Variants in RBFOX1 observed in about 807,000 individuals in gnomAD.
RBFOX1 encodes RNA binding fox-1 homolog 1.
In RBFOX1, 8 loss-of-function variants were observed where a neutral mutation model predicts 57.7. The observed-to-expected ratio is 0.14, with a 90% CI of 0.08 to 0.25. RBFOX1 has a LOEUF of 0.25. Among genes scored for constraint, RBFOX1 ranks in the 10% least tolerant of loss-of-function variants. RBFOX1 has a pLI of 1.00. For missense variants in RBFOX1, 611 were observed against 548.5 expected (o/e 1.11, Z -1.14); for synonymous variants, 326 against 222.4 (o/e 1.47, Z -4.15).
At chr16:5,722,553 A>G (rs890947310) in intron 3 of RBFOX1, among the ~76,000 whole-genome samples, 1 of 152,092 alleles carries the variant, frequency 6.6e-6, no homozygotes, top group Non-Finnish European at 1.5e-5. Context: ...TGAGACCTGT[A>G]TTGACCCTCA....
chr16:7,211,049 C>G (rs530396982), intron 4 of RBFOX1, among the ~76,000 whole-genome samples: 4 of 146,198 alleles, frequency 2.7e-5, no homozygotes, highest in Non-Finnish European at 6.0e-5. Context: ...ATAAGTATGT[C>G]AAAGTATTAT....
intron 3 of RBFOX1, among the ~76,000 whole-genome samples, chr16:5,697,514 GCTTTT>G (rs1330051175): frequency 6.8e-6 from 1 of 146,110 alleles, no homozygotes; most frequent in Non-Finnish European, 1.5e-5. Context: ...GTAGTTGTGG[GCTTTT>G]CTTTTCTTTT....
intron 2 of RBFOX1, among the ~76,000 whole-genome samples, chr16:5,532,595 T>C (rs1216944312): frequency 6.6e-6 from 1 of 152,182 alleles, no homozygotes; most frequent in Non-Finnish European, 1.5e-5. Context: ...GGGTTATTAG[T>C]TGAATGGATG....
At chr16:6,848,382 A>G (rs6500854) in intron 3 of RBFOX1, among the ~76,000 whole-genome samples, 73,790 of 151,998 alleles carry the variant, frequency 0.49, 18,925 homozygotes, top group African/African-American at 0.65. Context: ...AATGTTAGTC[A>G]CTAATACAAA....
chr16:7,683,062 G>T (rs1448084135), intron 14 of RBFOX1, among the ~76,000 whole-genome samples: 1 of 8,566 alleles, frequency 1.2e-4, no homozygotes. Context: ...AAGTGATGTT[G>T]ATTGTATATT....
rs147673679 is a variant in RBFOX1 at position 6,568,058 on chromosome 16, G to C, written c.-63-86545G>C. Among the ~76,000 whole-genome samples, 271 of 152,306 alleles carry C rather than the reference G, an allele frequency of 1.8e-3. 4 individuals are homozygous for C. In the Middle Eastern group the frequency reaches 0.02, roughly 11 times the overall value. ...GCTGGCCTTGAACTTCTGGCCTGAA[G>C]TGGTCCACTATTTAAGGTCTTTGAC... On this transcript the variant is annotated intron_variant, in intron 2 of 15. Transcript: ENST00000550418.
chr16:6,701,400 C>G (rs915806662), intron 3 of RBFOX1, among the ~76,000 whole-genome samples: 1 of 152,212 alleles, frequency 6.6e-6, no homozygotes, highest in Non-Finnish European at 1.5e-5. Context: ...GGGAAGACAT[C>G]TGCATTAGTC....
chr16:6,202,725 TC>T (rs1248882329), intron 1 of RBFOX1, among the ~76,000 whole-genome samples: 1 of 152,200 alleles, frequency 6.6e-6, no homozygotes, highest in Non-Finnish European at 1.5e-5. Context: ...TTTGTATTTA[TC>T]CATCACCTCC....
At chr16:6,750,784 G>A (rs72766706) in intron 3 of RBFOX1, among the ~76,000 whole-genome samples, 35,922 of 152,162 alleles carry the variant, frequency 0.24, 4,466 homozygotes, top group Middle Eastern at 0.28. Context: ...TTATTCAGTG[G>A]TGGAAGTGAG....
chr16:6,987,057 C>A (rs988368836), intron 3 of RBFOX1, among the ~76,000 whole-genome samples: 44 of 152,050 alleles, frequency 2.9e-4, no homozygotes, highest in Non-Finnish European at 5.1e-4. Flanking sequence ...GAGAGCCTGC[C>A]CTCTTCCTGG....
At chr16:5,982,614 G>A (rs2060196778) in intron 4 of RBFOX1, among the ~76,000 whole-genome samples, 1 of 152,170 alleles carries the variant, frequency 6.6e-6, no homozygotes, top group South Asian at 2.1e-4. Context: ...TACCTAGAAT[G>A]CTCATCCATA....
intron 4 of RBFOX1, among the ~76,000 whole-genome samples, chr16:7,260,602 A>T (rs2094880498): frequency 6.6e-6 from 1 of 152,186 alleles, no homozygotes; most frequent in Non-Finnish European, 1.5e-5. Context: ...GACGCTATGT[A>T]GGTAAGATAA....
chr16:7,049,779 G>T, intron 3 of RBFOX1, among the ~76,000 whole-genome samples: 1 of 152,204 alleles, frequency 6.6e-6, no homozygotes. Context: ...TTCAGTGGGG[G>T]AAACAGGATG....
chr16:5,840,191 C>A (rs1377841985), intron 3 of RBFOX1, among the ~76,000 whole-genome samples: 4 of 152,178 alleles, frequency 2.6e-5, no homozygotes, highest in African/African-American at 9.7e-5. Flanking sequence ...AGTCACAAAC[C>A]CAGTGACAAA....
At chr16:6,076,332 GCGCACACACACACATA>G (rs987363756) in intron 1 of RBFOX1, among the ~76,000 whole-genome samples, 2 of 148,304 alleles carry the variant, frequency 1.3e-5, no homozygotes, top group African/African-American at 2.5e-5. Flanking sequence ...ACAAACACAC[GCGCACACACACACATA>G]CACACACACA....
chr16:6,843,314 G>C (rs1401189488), intron 3 of RBFOX1, among the ~76,000 whole-genome samples: 1 of 151,672 alleles, frequency 6.6e-6, no homozygotes, highest in Non-Finnish European at 1.5e-5. Flanking sequence ...TGGTCTTCTG[G>C]AGCAAATAGA....
At chr16:5,758,757 C>G (rs1294590882) in intron 3 of RBFOX1, among the ~76,000 whole-genome samples, 1 of 152,130 alleles carries the variant, frequency 6.6e-6, no homozygotes, top group African/African-American at 2.4e-5. Flanking sequence ...CTAATCTAAT[C>G]CAAGACCTTC....
chr16:6,254,145 A>C lies in RBFOX1; in HGVS notation c.-126-62850A>C, dbSNP rs530136480. On this transcript the variant is annotated intron_variant, in intron 1 of 15. Coordinates refer to ENST00000550418, the MANE Select transcript of RBFOX1 (RefSeq NM_018723.4). ...GAGGTTCGTGGGCCTGTGTGTTTGT[A>C]AGCACCCTCGTCAATAGCATTTATC... 1.4e-4 allele frequency among the ~76,000 whole-genome samples: 21 copies of C among 152,234 alleles called. No individual in the cohort carries two copies. In the South Asian group the frequency reaches 3.7e-3, roughly 27 times the overall value.
At chr16:6,504,156 C>A (rs1598404961) in intron 2 of RBFOX1, among the ~76,000 whole-genome samples, 1 of 152,294 alleles carries the variant, frequency 6.6e-6, no homozygotes. Flanking sequence ...CAAAGAACAA[C>A]CCCTGGATAA....
Sources: allele counts gnomAD v4.1 joint callset (sites outside exome capture counted in the v4.1 genomes callset), GRCh38; gene constraint gnomAD v4.1.1; transcripts MANE v1.5; gene names NCBI Gene and HGNC (gene_info 2026-07-23, HGNC 2026-07-21).